Variants in TRPC6 observed in about 807,000 individuals in gnomAD.
TRPC6 encodes the protein short transient receptor potential channel 6.
Under a neutral mutation model 90.7 loss-of-function variants are expected in TRPC6, and 55 were observed. The ratio of observed to expected loss-of-function variants is 0.61; its 90% CI spans 0.49 to 0.76. The LOEUF is 0.76. TRPC6 is among the 30% of genes least tolerant of loss of function. The pLI, the probability that TRPC6 is intolerant of heterozygous loss-of-function variation, is 0.00. For missense variants in TRPC6, 989 were observed against 1,122.7 expected (o/e 0.88, Z 1.70); for synonymous variants, 393 against 393.0 (o/e 1.00, Z 0.00).
chr11:101,456,371 A>C (rs543085892), intron 10 of TRPC6, among the ~76,000 whole-genome samples: 117 of 152,318 alleles, frequency 7.7e-4, no homozygotes, highest in African/African-American at 2.7e-3. Flanking sequence ...AACATCTTAA[A>C]TAATATAATG....
At chr11:101,460,787 T>A (rs888737927) in intron 10 of TRPC6, among the ~76,000 whole-genome samples, 8 of 152,180 alleles carry the variant, frequency 5.3e-5, no homozygotes, top group Non-Finnish European at 8.8e-5. Flanking sequence ...ATATATTTTA[T>A]AACAATGAAA....
intron 2 of TRPC6, among the ~76,000 whole-genome samples, chr11:101,495,363 G>C (rs576803040): frequency 6.6e-6 from 1 of 152,228 alleles, no homozygotes; most frequent in East Asian, 1.9e-4. Flanking sequence ...AGAGAAAAAT[G>C]CATGTCTTGA....
intron 1 of TRPC6, among the ~76,000 whole-genome samples, chr11:101,545,988 T>A (rs1485096029): frequency 6.8e-6 from 1 of 147,760 alleles, no homozygotes; most frequent in Non-Finnish European, 1.5e-5. Flanking sequence ...GAAGAGAGAG[T>A]GAAGATAAAC....
chr11:101,544,762 G>T (rs974871006), intron 1 of TRPC6, among the ~76,000 whole-genome samples: 1 of 152,092 alleles, frequency 6.6e-6, no homozygotes, highest in Non-Finnish European at 1.5e-5. Context: ...ATAGCATTAG[G>T]AGAAATACCT....
chr11:101,577,616 G>A (rs1862098402), intron 1 of TRPC6, among the ~76,000 whole-genome samples: 1 of 152,210 alleles, frequency 6.6e-6, no homozygotes, highest in African/African-American at 2.4e-5. Context: ...CAAAGGACTA[G>A]ATTGATTGAG....
intron 9 of TRPC6, among the ~76,000 whole-genome samples, chr11:101,469,790 G>A (rs1030724727): frequency 1.3e-5 from 2 of 152,088 alleles, no homozygotes; most frequent in African/African-American, 4.8e-5. Flanking sequence ...TATACTTCTG[G>A]AAGAATATCA....
intron 5 of TRPC6, among the ~76,000 whole-genome samples, chr11:101,477,177 G>T (rs11224781): frequency 0.3 from 45,525 of 149,622 alleles, 8,427 homozygotes; most frequent in African/African-American, 0.53. Flanking sequence ...TCCTTAGACT[G>T]TGTAAAGATC....
chr11:101,455,488 G>C, intron 10 of TRPC6: 1 of 206,156 alleles, frequency 4.9e-6, no homozygotes. Flanking sequence ...GATTAACTAA[G>C]ACATCCACAC....
At chr11:101,575,111 T>C (rs1025676419) in intron 1 of TRPC6, among the ~76,000 whole-genome samples, 10 of 152,164 alleles carry the variant, frequency 6.6e-5, no homozygotes, top group Non-Finnish European at 1.3e-4. Context: ...ATTATGCAAA[T>C]CTTGTGGTTA....
Position 101,484,595 on chromosome 11 carries a change from A to ATGTGTGTGTG in TRPC6, c.1294-1440_1294-1431dup, listed in dbSNP as rs61160203. Among the ~76,000 whole-genome samples, 838 of 140,878 alleles carry ATGTGTGTGTG rather than the reference A, an allele frequency of 5.9e-3. 8 individuals are homozygous for ATGTGTGTGTG. The highest frequency in any genetic ancestry group is 0.017 in the Middle Eastern group (5 of 286). The allele number at this position is 140,878 out of a possible 152,430, so 92.4% of individuals were successfully genotyped here. On this transcript the variant is annotated intron_variant, in intron 4 of 12. Coordinates refer to ENST00000344327, the MANE Select transcript of TRPC6 (RefSeq NM_004621.6). ...ATTGTATCTCTCTCTCTCTCATGCT[A>ATGTGTGTGTG]TGTGTGTGTGTGTGTGTGTGTGTGT...
At chr11:101,513,607 A>G (rs150604714) in intron 1 of TRPC6, among the ~76,000 whole-genome samples, 176 of 152,278 alleles carry the variant, frequency 1.2e-3, no homozygotes, top group African/African-American at 3.9e-3. Context: ...TGTATTTTTG[A>G]TGATGGGTAA....
chr11:101,514,747 C>CG (rs1322250426), intron 1 of TRPC6, among the ~76,000 whole-genome samples: 4 of 152,136 alleles, frequency 2.6e-5, no homozygotes, highest in African/African-American at 9.7e-5. Flanking sequence ...CTTCAAAACT[C>CG]GGAGACTGGA....
chr11:101,480,510 T>G (rs1454671645), intron 5 of TRPC6, among the ~76,000 whole-genome samples: 1 of 152,052 alleles, frequency 6.6e-6, no homozygotes, highest in African/African-American at 2.4e-5. Context: ...TATGTTCATT[T>G]TATTCTTTAC....
intron 10 of TRPC6, among the ~76,000 whole-genome samples, chr11:101,468,765 A>C (rs1211633472): frequency 3.9e-5 from 6 of 152,210 alleles, no homozygotes; most frequent in Admixed American, 2.0e-4. Flanking sequence ...GTCTTGTTTA[A>C]ACCACCATGA....
At chr11:101,458,923 G>A (rs1004105994) in intron 10 of TRPC6, among the ~76,000 whole-genome samples, 2 of 152,136 alleles carry the variant, frequency 1.3e-5, no homozygotes, top group African/African-American at 4.8e-5. Flanking sequence ...TTAAGCATAA[G>A]CCATATGAGT....
At chr11:101,480,849 T>C (rs1403290079) in intron 5 of TRPC6, among the ~76,000 whole-genome samples, 1 of 152,214 alleles carries the variant, frequency 6.6e-6, no homozygotes, top group Non-Finnish European at 1.5e-5. Context: ...TGATTGTTTA[T>C]TCTTATTTTA....
At chr11:101,507,799 C>T (rs954503636) in intron 1 of TRPC6, among the ~76,000 whole-genome samples, 1 of 152,028 alleles carries the variant, frequency 6.6e-6, no homozygotes, top group South Asian at 2.1e-4. Context: ...CTCCACAGTG[C>T]TGCCCATTTA....
chr11:101,576,103 G>A (rs1862064223), intron 1 of TRPC6, among the ~76,000 whole-genome samples: 1 of 152,158 alleles, frequency 6.6e-6, no homozygotes, highest in South Asian at 2.1e-4. Flanking sequence ...CCTACTGGCT[G>A]TGTAACTTAC....
chr11:101,498,047 G>T (rs1389590807), intron 2 of TRPC6, among the ~76,000 whole-genome samples: 1 of 152,212 alleles, frequency 6.6e-6, no homozygotes, highest in Admixed American at 6.5e-5. Context: ...GCTGGGGAAT[G>T]TGTTTGTGGA....
Sources: allele counts gnomAD v4.1 joint callset (sites outside exome capture counted in the v4.1 genomes callset), GRCh38; gene constraint gnomAD v4.1.1; transcripts MANE v1.5; gene names NCBI Gene and HGNC (gene_info 2026-07-23, HGNC 2026-07-21).